Variants in NCALD observed in about 807,000 individuals in gnomAD.
NCALD encodes neurocalcin delta.
Under a neutral mutation model 18.6 loss-of-function variants are expected in NCALD, and 10 were observed. The ratio of observed to expected loss-of-function variants is 0.54; its 90% CI spans 0.33 to 0.91. The LOEUF is 0.91. Among genes scored for constraint, NCALD ranks in the 40% least tolerant of loss-of-function variants. NCALD has a pLI of 0.03. For synonymous variants in NCALD, 88 were observed against 87.4 expected, an observed-to-expected ratio of 1.01 and a Z score of -0.04; for missense variants, 184 against 247.6, an observed-to-expected ratio of 0.74 and a Z score of 1.72.
intron 3 of NCALD, among the ~76,000 whole-genome samples, chr8:101,908,051 G>A (rs185168998): frequency 4.0e-4 from 61 of 152,268 alleles, no homozygotes; most frequent in Non-Finnish European, 3.1e-4. Flanking sequence ...CAGAGTGTGA[G>A]AGATCAATCT....
chr8:101,869,525 T>C (rs944541751), intron 4 of NCALD, among the ~76,000 whole-genome samples: 12 of 152,258 alleles, frequency 7.9e-5, no homozygotes, highest in Admixed American at 5.9e-4. Context: ...CCACTATATT[T>C]GTGGTTAATT....
At chr8:101,837,773 C>T (rs559961021) in intron 4 of NCALD, among the ~76,000 whole-genome samples, 8 of 152,316 alleles carry the variant, frequency 5.3e-5, no homozygotes, top group Admixed American at 1.3e-4. Flanking sequence ...GAGCAATACC[C>T]TGGGCCCTAG....
At chr8:102,071,507 A>C (rs1824177398) in intron 1 of NCALD, among the ~76,000 whole-genome samples, 1 of 152,224 alleles carries the variant, frequency 6.6e-6, no homozygotes, top group African/African-American at 2.4e-5. Context: ...GAAGTTATGC[A>C]ATAAGGTTTA....
chr8:101,952,474 A>G (rs1479317775), intron 2 of NCALD, among the ~76,000 whole-genome samples: 2 of 152,154 alleles, frequency 1.3e-5, no homozygotes, highest in Admixed American at 1.3e-4. Context: ...GCACTAGGCA[A>G]AGCCATGTAG....
At chr8:102,043,682 A>AGAGGAGGAG (rs1301931163) in intron 1 of NCALD, among the ~76,000 whole-genome samples, 1 of 137,458 alleles carries the variant, frequency 7.3e-6, no homozygotes, top group Non-Finnish European at 1.6e-5. Flanking sequence ...AGGAGGAGGA[A>AGAGGAGGAG]GACGAGGAGG....
chr8:101,781,113 T>C (rs1586486152), intron 1 of NCALD, among the ~76,000 whole-genome samples: 1 of 152,124 alleles, frequency 6.6e-6, no homozygotes, highest in Admixed American at 6.6e-5. Context: ...AAAGTGGAAT[T>C]TGGACCAAAG....
At chr8:102,056,959 T>C (rs935567586) in intron 1 of NCALD, among the ~76,000 whole-genome samples, 1 of 152,252 alleles carries the variant, frequency 6.6e-6, no homozygotes, top group African/African-American at 2.4e-5. Flanking sequence ...TCTGCATTTA[T>C]TGAGAAGAAA....
At chr8:101,934,125 GT>G (rs142971350) in intron 2 of NCALD, among the ~76,000 whole-genome samples, 2,656 of 152,270 alleles carry the variant, frequency 0.017, 76 homozygotes, top group East Asian at 0.1. Context: ...AACCTCTTGA[GT>G]TCTGTACTAG....
At chr8:101,731,407 C>T (rs1816825776) in intron 1 of NCALD, among the ~76,000 whole-genome samples, 1 of 152,106 alleles carries the variant, frequency 6.6e-6, no homozygotes, top group South Asian at 2.1e-4. Flanking sequence ...GTAAATTCTC[C>T]AATAAGCCAG....
In NCALD at chr8:101,687,722, C is replaced by T. The variant is rs945951049; in HGVS notation, c.*1587G>A. ...CTTCTCTTAGTGGCAAGTTCCCCATCAACAACCTTGAGAATTTGGGCCTCC... is the reference window on the plus strand; with the variant it reads ...CTTCTCTTAGTGGCAAGTTCCCCATTAACAACCTTGAGAATTTGGGCCTCC... On this transcript the variant is annotated 3_prime_UTR_variant, in exon 4 of 4. Transcript: ENST00000220931. 1 of 152,228 alleles carries T rather than the reference C, an allele frequency of 6.6e-6. No homozygotes were observed. The highest frequency in any genetic ancestry group is 1.5e-5 in the Non-Finnish European group (1 of 68,046). 9.4% of individuals were successfully genotyped at this position (152,228 alleles called of 1,614,324 possible).
chr8:102,036,569 G>A (rs1397104970), intron 1 of NCALD, among the ~76,000 whole-genome samples: 1 of 152,130 alleles, frequency 6.6e-6, no homozygotes, highest in Non-Finnish European at 1.5e-5. Flanking sequence ...GAGGTCAGGA[G>A]TTTGAGACCA....
rs116267863 is a variant in NCALD at position 101,746,777 on chromosome 8, T to C, written c.-19-27129A>G. On this transcript the variant is annotated intron_variant, in intron 1 of 3. Transcript: ENST00000220931. ...TCTTTAACTGGATAAATGTAAATTT[T>C]ACATAGATAAATCTTTGAATAGTAA... Among the ~76,000 whole-genome samples the C allele has an allele frequency of 1.8e-3, 275 of 152,120 alleles. 1 individual carries two copies. Among genetic ancestry groups the C allele is most frequent in the African/African-American group, 6.4e-3 (267 of 41,534 alleles).
chr8:101,741,936 CAAAAAA>C (rs71278804), intron 1 of NCALD, among the ~76,000 whole-genome samples: 1 of 76,136 alleles, frequency 1.3e-5, no homozygotes, highest in African/African-American at 4.6e-5. Flanking sequence ...AAGCCTGTCT[CAAAAAA>C]AAAAAAAAAA....
At chr8:101,856,233 G>A (rs1815315135) in intron 4 of NCALD, among the ~76,000 whole-genome samples, 2 of 152,132 alleles carry the variant, frequency 1.3e-5, no homozygotes, top group South Asian at 4.1e-4. Flanking sequence ...GTGCAATGGT[G>A]TAATCTTGAC....
chr8:101,859,260 C>A (rs893405557), intron 4 of NCALD, among the ~76,000 whole-genome samples: 1 of 152,182 alleles, frequency 6.6e-6, no homozygotes, highest in African/African-American at 2.4e-5. Context: ...TAGACTTACA[C>A]CAGTGATTTG....
At chr8:101,888,737 G>C (rs1335078831) in intron 3 of NCALD, among the ~76,000 whole-genome samples, 1 of 152,058 alleles carries the variant, frequency 6.6e-6, no homozygotes, top group Non-Finnish European at 1.5e-5. Flanking sequence ...ATTAACATTG[G>C]ATTTGCTCTC....
intron 1 of NCALD, among the ~76,000 whole-genome samples, chr8:101,759,454 A>G (rs1221058995): frequency 3.3e-5 from 5 of 152,176 alleles, no homozygotes; most frequent in African/African-American, 7.2e-5. Flanking sequence ...TGATACACCA[A>G]TGGGGAAAAT....
intron 3 of NCALD, among the ~76,000 whole-genome samples, chr8:101,902,088 C>A (rs956432732): frequency 1.3e-4 from 20 of 152,274 alleles, no homozygotes; most frequent in African/African-American, 4.8e-4. Context: ...ATCACACCCA[C>A]TACATTCTTT....
Position 102,045,638 on chromosome 8 carries a change from AT to A in NCALD, c.-209-25350del, listed in dbSNP as rs71961891. The stretch of plus-strand genomic sequence containing the variant: ...TCCTCTACATCAGTTGCTTTTAAAC[AT>A]TTTTTTTAACACAATCCACGGAGAA... On this transcript the variant is annotated intron_variant, in intron 1 of 6. Coordinates refer to the NCALD transcript ENST00000311028. 7.8e-3 allele frequency among the ~76,000 whole-genome samples: 1,188 copies of A among 152,104 alleles called. 16 individuals are homozygous for A. Among genetic ancestry groups the A allele is most frequent in the African/African-American group, 0.022 (923 of 41,490 alleles).
Sources: allele counts gnomAD v4.1 joint callset (sites outside exome capture counted in the v4.1 genomes callset), GRCh38; gene constraint gnomAD v4.1.1; transcripts MANE v1.5; gene names NCBI Gene and HGNC (gene_info 2026-07-23, HGNC 2026-07-21).